The following UBA6 variants were observed in gnomAD, a reference collection of about 807,000 sequenced individuals.
UBA6 encodes the protein ubiquitin-like modifier-activating enzyme 6.
A neutral mutation model predicts 148.3 loss-of-function variants in UBA6; 87 were observed. The ratio of observed to expected loss-of-function variants is 0.59; its 90% CI spans 0.49 to 0.70. UBA6 has a LOEUF of 0.70. UBA6 is among the 30% of genes least tolerant of loss of function. The pLI is 0.00. For missense variants in UBA6, 1,186 were observed against 1,241.2 expected (o/e 0.96, Z 0.67); for synonymous variants, 376 against 401.0 (o/e 0.94, Z 0.75).
In UBA6 at chr4:67,652,818, G is replaced by T. The variant is rs528866218; in HGVS notation, c.1105-3607C>A. ...ATCCTTGGAAAAACGGTACACTTCC[G>T]CCCAAATACTGCACTTTCCTCACCA... is the stretch of plus-strand genomic sequence containing the variant. On this transcript the variant is annotated intron_variant, in intron 13 of 32. Coordinates refer to ENST00000322244, the MANE Select transcript of UBA6 (RefSeq NM_018227.6). Among the ~76,000 whole-genome samples the T allele has an allele frequency of 2.6e-5, 4 of 152,308 alleles. No individual in the cohort carries two copies. The East Asian group carries it at 7.7e-4, about 29-fold the overall frequency.
intron 13 of UBA6, among the ~76,000 whole-genome samples, chr4:67,660,254 CA>C (rs1201096742): frequency 1.3e-5 from 2 of 152,114 alleles, no homozygotes; most frequent in Admixed American, 1.3e-4. Flanking sequence ...AACAAGCAGC[CA>C]AATGTTAATT....
chr4:67,643,459 T>TA (rs1729353395), intron 17 of UBA6, among the ~76,000 whole-genome samples: 1 of 152,014 alleles, frequency 6.6e-6, no homozygotes, highest in African/African-American at 2.4e-5. Context: ...TTAAATTTGT[T>TA]ATATTCCGTT....
intron 17 of UBA6, among the ~76,000 whole-genome samples, chr4:67,641,838 T>G (rs114567862): frequency 0.013 from 1,920 of 152,264 alleles, 42 homozygotes; most frequent in African/African-American, 0.042. Context: ...TTTGCAATCG[T>G]GTCCTTTAAG....
chr4:67,645,712 C>T (rs1397220902), intron 16 of UBA6, among the ~76,000 whole-genome samples: 1 of 152,044 alleles, frequency 6.6e-6, no homozygotes, highest in African/African-American at 2.4e-5. Flanking sequence ...TTGAAATTAT[C>T]ATACTCATAC....
Position 67,612,988 on chromosome 4 carries a change from G to A in UBA6, c.*6009C>T, listed in dbSNP as rs1728566355. Reference sequence around the variant, plus strand: ...GGAAGTTGAGTAGATAGAGCTAAGGGGCTAAAGATTCAAAAAGAGTCCAGG... The same window carrying A: ...GGAAGTTGAGTAGATAGAGCTAAGGAGCTAAAGATTCAAAAAGAGTCCAGG... On this transcript the variant is annotated 3_prime_UTR_variant, in exon 33 of 33. Transcript: ENST00000322244. 1 of 152,162 alleles carries A rather than the reference G, an allele frequency of 6.6e-6. No individual in the cohort carries two copies. Among genetic ancestry groups the A allele is most frequent in the African/African-American group, 2.4e-5 (1 of 41,446 alleles). The allele number at this position is 152,162 out of a possible 1,614,324, so 9.4% of individuals were successfully genotyped here.
chr4:67,677,887 A>C (rs1016432654), intron 5 of UBA6, among the ~76,000 whole-genome samples, 165 bp from the exon 6 acceptor site: 4 of 151,826 alleles, frequency 2.6e-5, no homozygotes, highest in Non-Finnish European at 4.4e-5. Flanking sequence ...TTTACAGGTA[A>C]CCATACAATC....
chr4:67,628,338 T>TC (rs1728918839), intron 27 of UBA6, among the ~76,000 whole-genome samples: 1 of 151,840 alleles, frequency 6.6e-6, no homozygotes, highest in Non-Finnish European at 1.5e-5. Flanking sequence ...TTAAGACTCT[T>TC]CCCCTTGTAT....
chr4:67,670,193 G>A (rs960112378), intron 8 of UBA6, among the ~76,000 whole-genome samples: 1 of 151,808 alleles, frequency 6.6e-6, no homozygotes, highest in Admixed American at 6.6e-5. Context: ...ATCCACCCCT[G>A]TCAGCCTCCA....
intron 14 of UBA6, 83 bp downstream of exon 14, chr4:67,648,985 C>G: frequency 1.4e-6 from 2 of 1,391,796 alleles, no homozygotes. Context: ...GGTCGCTTTT[C>G]TAATATATTA....
At chr4:67,686,770 G>A (rs773164083) in intron 2 of UBA6, among the ~76,000 whole-genome samples, 11 of 151,384 alleles carry the variant, frequency 7.3e-5, no homozygotes, top group Admixed American at 3.3e-4. Context: ...TGGGCAATAC[G>A]GTGAGACACC....
rs183513419 is a variant in UBA6, at chr4:67,693,907, T to C, written c.134+2738A>G. Among the ~76,000 whole-genome samples, 320 of 152,050 alleles carry C rather than the reference T, an allele frequency of 2.1e-3. 2 individuals are homozygous for C. Among genetic ancestry groups the C allele is most frequent in the African/African-American group, 7.2e-3 (299 of 41,472 alleles). On this transcript the variant is annotated intron_variant, in intron 2 of 32. Coordinates refer to ENST00000322244, the MANE Select transcript of UBA6 (RefSeq NM_018227.6). ...TATACTAGTCCCCATAAGCAACAGA[T>C]ACAGATTTTTAAAAAGAGAAAATAC...
chr4:67,662,825 G>T, intron 12 of UBA6: 1 of 215,752 alleles, frequency 4.6e-6, no homozygotes, highest in South Asian at 1.0e-4. Context: ...GACTTAACAG[G>T]ATATAAAGTT....
At chr4:67,656,545 C>G (rs1306377080) in intron 13 of UBA6, among the ~76,000 whole-genome samples, 2 of 152,140 alleles carry the variant, frequency 1.3e-5, no homozygotes, top group Non-Finnish European at 2.9e-5. Context: ...ATAATAAGAG[C>G]TATTTATGAC....
chr4:67,632,270 A>T (rs1319007739), intron 23 of UBA6, among the ~76,000 whole-genome samples: 1 of 149,064 alleles, frequency 6.7e-6, no homozygotes, highest in Non-Finnish European at 1.5e-5. Flanking sequence ...ACAAAACCAG[A>T]AAAAACACAC....
intron 1 of UBA6, among the ~76,000 whole-genome samples, chr4:67,699,012 TA>T (rs1730908084): frequency 6.6e-6 from 1 of 151,978 alleles, no homozygotes; most frequent in Admixed American, 6.5e-5. Flanking sequence ...GAATAAATTT[TA>T]AAGGAAAAAA....
chr4:67,647,440 C>T (rs1729445395), intron 14 of UBA6, among the ~76,000 whole-genome samples: 1 of 152,012 alleles, frequency 6.6e-6, no homozygotes, highest in Admixed American at 6.6e-5. Flanking sequence ...GCCACTGCGC[C>T]CAGTCATAAT....
chr4:67,694,301 T>A (rs1288623705), intron 2 of UBA6, among the ~76,000 whole-genome samples: 2 of 124,414 alleles, frequency 1.6e-5, no homozygotes, highest in South Asian at 2.5e-4. Context: ...AAAAAAACCC[T>A]CAAACATTTA....
chr4:67,653,336 A>G (rs1729603053), intron 13 of UBA6, among the ~76,000 whole-genome samples: 1 of 152,202 alleles, frequency 6.6e-6, no homozygotes, highest in Non-Finnish European at 1.5e-5. Flanking sequence ...CAGAGGAAGG[A>G]TCAGGCAGCA....
In UBA6 at chr4:67,646,789, T is replaced by C; in HGVS notation, c.1251A>G (p.Leu417=). Residue 417 remains leucine (L), a splice_region_variant and synonymous_variant, in exon 15 of 33, where the codon TTA becomes TTG. Transcript: ENST00000322244. ...TGKFSPLCQW[L]YLEAADIVES... ...CAACAATATCTGCTGCTTCAAGATA[T>C]AACTTAAAGTAGAAGATTAAAAACA... 1 of 1,592,692 alleles carries C rather than the reference T, an allele frequency of 6.3e-7. No individual in the cohort carries two copies. The highest frequency in any genetic ancestry group is 1.1e-5 in the South Asian group (1 of 87,154).
Sources: gnomAD v4.1 joint callset for allele counts (sites outside exome capture counted in the v4.1 genomes callset) on GRCh38, gnomAD v4.1.1 for gene constraint, MANE v1.5 for transcripts, NCBI Gene and HGNC (gene_info 2026-07-23, HGNC 2026-07-21) for gene names.